The following CPNE4 variants were observed in gnomAD, a reference collection of about 807,000 sequenced individuals.
The protein encoded by CPNE4 is copine 4, also known as copine-4.
CPNE4 carries 25 observed loss-of-function variants against 67.9 expected under a neutral mutation model. The ratio of observed to expected loss-of-function variants is 0.37; its 90% CI spans 0.27 to 0.51. The LOEUF (loss-of-function observed/expected upper bound fraction) is 0.51. Among genes scored for constraint, CPNE4 ranks in the 20% least tolerant of loss-of-function variants. CPNE4 has a pLI of 0.93. For synonymous variants in CPNE4, 242 were observed against 244.9 expected, an observed-to-expected ratio of 0.99 and a Z score of 0.11; for missense variants, 464 against 690.8, an observed-to-expected ratio of 0.67 and a Z score of 3.68.
At chr3:131,955,727 C>T (rs2071945465) in intron 1 of CPNE4, among the ~76,000 whole-genome samples, 1 of 152,104 alleles carries the variant, frequency 6.6e-6, no homozygotes, top group Non-Finnish European at 1.5e-5. Flanking sequence ...TTCCCATAAG[C>T]AGAGGGAATA....
chr3:132,004,407 T>C (rs2073534065), intron 1 of CPNE4, among the ~76,000 whole-genome samples: 1 of 152,100 alleles, frequency 6.6e-6, no homozygotes, highest in Admixed American at 6.6e-5. Flanking sequence ...TCTGCATATG[T>C]GTGTATGTAC....
chr3:131,891,100 AAAAC>A (rs879259646), intron 2 of CPNE4, among the ~76,000 whole-genome samples: 3 of 152,118 alleles, frequency 2.0e-5, no homozygotes, highest in Admixed American at 2.0e-4. Context: ...TCTTAGCAGA[AAAAC>A]AAACAAACAA....
intron 1 of CPNE4, among the ~76,000 whole-genome samples, chr3:132,006,655 A>ATTT (rs113475309): frequency 0.81 from 120,730 of 149,578 alleles, 49,952 homozygotes; most frequent in Non-Finnish European, 0.92. Context: ...CTTTCTTTCC[A>ATTT]TTTTTTTTTG....
chr3:131,579,517 TGATA>T (rs749576860), intron 9 of CPNE4, among the ~76,000 whole-genome samples: 8 of 152,212 alleles, frequency 5.3e-5, no homozygotes, highest in Non-Finnish European at 7.3e-5. Context: ...GTAGTTTTTC[TGATA>T]GATCTCAGAA....
chr3:131,953,516 A>T (rs1055771602), intron 1 of CPNE4, among the ~76,000 whole-genome samples: 2 of 152,172 alleles, frequency 1.3e-5, no homozygotes, highest in Non-Finnish European at 2.9e-5. Context: ...AGGATATATC[A>T]TATATATTAA....
At chr3:131,545,764 A>C (rs1042814061) in intron 14 of CPNE4, among the ~76,000 whole-genome samples, 1 of 152,174 alleles carries the variant, frequency 6.6e-6, no homozygotes, top group African/African-American at 2.4e-5. Flanking sequence ...CTTATGTTGT[A>C]CATTTAAAAA....
chr3:131,962,477 C>G (rs551840104), intron 1 of CPNE4, among the ~76,000 whole-genome samples: 1 of 152,298 alleles, frequency 6.6e-6, no homozygotes, highest in Non-Finnish European at 1.5e-5. Context: ...CAAAGACCAT[C>G]CTTCTGAGTC....
intron 2 of CPNE4, among the ~76,000 whole-genome samples, chr3:131,900,797 TG>T (rs1318384629): frequency 1.3e-5 from 2 of 152,100 alleles, no homozygotes; most frequent in African/African-American, 4.8e-5. Context: ...CACTGATAAT[TG>T]ATGTGTTACA....
intron 1 of CPNE4, among the ~76,000 whole-genome samples, chr3:132,033,166 T>A: frequency 6.6e-6 from 1 of 152,218 alleles, no homozygotes; most frequent in East Asian, 1.9e-4. Context: ...TGAGCAGGAT[T>A]TAGTTTCATT....
intron 7 of CPNE4, among the ~76,000 whole-genome samples, chr3:131,606,374 A>G (rs1283986457): frequency 6.6e-6 from 1 of 152,180 alleles, no homozygotes; most frequent in African/African-American, 2.4e-5. Context: ...AGCTACTCCT[A>G]ACCAATCATA....
At chr3:131,769,346 C>T (rs2083106016) in intron 2 of CPNE4, among the ~76,000 whole-genome samples, 1 of 152,114 alleles carries the variant, frequency 6.6e-6, no homozygotes, top group Non-Finnish European at 1.5e-5. Flanking sequence ...AACTATGAGA[C>T]ATGGCCATCT....
At chr3:131,647,075 G>C (rs537153275) in intron 7 of CPNE4, among the ~76,000 whole-genome samples, 1 of 152,206 alleles carries the variant, frequency 6.6e-6, no homozygotes, top group Non-Finnish European at 1.5e-5. Context: ...GTAACTCTGA[G>C]GGGTAAAATA....
intron 15 of CPNE4, among the ~76,000 whole-genome samples, chr3:131,536,532 T>C (rs72997255): frequency 0.064 from 9,752 of 152,334 alleles, 507 homozygotes; most frequent in South Asian, 0.14. Flanking sequence ...GTTTTCAGTT[T>C]TTTCTTTTCT....
chr3:131,869,935 T>C (rs189276714), intron 2 of CPNE4, among the ~76,000 whole-genome samples: 3 of 152,244 alleles, frequency 2.0e-5, no homozygotes, highest in Admixed American at 2.0e-4. Context: ...TAATTAATAA[T>C]TAAAGAGTAA....
intron 9 of CPNE4, among the ~76,000 whole-genome samples, chr3:131,575,843 C>G (rs1179189816): frequency 1.3e-5 from 2 of 152,096 alleles, no homozygotes; most frequent in Non-Finnish European, 2.9e-5. Context: ...GACCTCTACT[C>G]TGGAAGTCAG....
At chr3:132,014,947 T>C (rs2073856514) in intron 1 of CPNE4, among the ~76,000 whole-genome samples, 1 of 152,206 alleles carries the variant, frequency 6.6e-6, no homozygotes, top group African/African-American at 2.4e-5. Flanking sequence ...ATTTTATCTC[T>C]TATTTTTAAA....
chr3:131,635,487 C>G (rs910572937), intron 7 of CPNE4, among the ~76,000 whole-genome samples: 1 of 152,182 alleles, frequency 6.6e-6, no homozygotes, highest in Admixed American at 6.5e-5. Flanking sequence ...CCACATGCAG[C>G]TCTTTAAATG....
chr3:131,933,090 G>A (rs2107835081), intron 1 of CPNE4, among the ~76,000 whole-genome samples: 1 of 152,270 alleles, frequency 6.6e-6, no homozygotes, highest in South Asian at 2.1e-4. Context: ...AGCTTGAGAG[G>A]TAGCCAAGGG....
chr3:131,931,067 A>G (rs568841933), intron 1 of CPNE4, among the ~76,000 whole-genome samples: 44 of 152,270 alleles, frequency 2.9e-4, no homozygotes, highest in African/African-American at 1.0e-3. Flanking sequence ...TCACTACCTG[A>G]TATTTTAGCA....
Sources: allele counts gnomAD v4.1 joint callset (sites outside exome capture counted in the v4.1 genomes callset), GRCh38; gene constraint gnomAD v4.1.1; transcripts MANE v1.5; gene names NCBI Gene and HGNC (gene_info 2026-07-23, HGNC 2026-07-21).